CTNNB1: variants seen among roughly 807,000 people sequenced by gnomAD.
CTNNB1 encodes the protein catenin beta-1.
Under a neutral mutation model 82.5 loss-of-function variants are expected in CTNNB1, and 6 were observed. The ratio of observed to expected loss-of-function variants is 0.07; its 90% confidence interval spans 0.04 to 0.14. The LOEUF is 0.14. Ranked by LOEUF, CTNNB1 falls within the 10% of genes least tolerant of loss-of-function variation. The pLI, the probability that CTNNB1 is intolerant of heterozygous loss-of-function variation, is 1.00. For missense variants in CTNNB1, 529 were observed against 980.4 expected, an observed-to-expected ratio of 0.54 and a Z score of 6.15; for synonymous variants, 312 against 329.7, an observed-to-expected ratio of 0.95 and a Z score of 0.58.
intron 1 of CTNNB1, among the ~76,000 whole-genome samples, chr3:41,210,007 T>C (rs555225102): frequency 6.6e-6 from 1 of 152,338 alleles, no homozygotes; most frequent in Admixed American, 6.5e-5. Context: ...TTTTTTACTT[T>C]ATGAATTCTT....
In CTNNB1 at chr3:41,236,463, C is replaced by T. The variant is rs1320784803; in HGVS notation, c.1918C>T (p.Leu640=). 6.2e-7 allele frequency: 1 copy of T among 1,614,224 alleles called. No individual in the cohort carries two copies. The highest frequency in any genetic ancestry group is 1.3e-5 in the African/African-American group (1 of 75,058). The change falls in exon 12 of 15, where the codon CTG becomes TTG. Residue 640 remains leucine (L), a synonymous_variant. Transcript: ENST00000349496. ...AIEAEGATAP[L]TELLHSRNEG... ...TGAAGCTGAGGGAGCCACAGCTCCT[C>T]TGACAGAGTTACTTCACTCTAGGAA...
chr3:41,214,456 T>C (rs2077868536), intron 1 of CTNNB1, among the ~76,000 whole-genome samples: 1 of 152,080 alleles, frequency 6.6e-6, no homozygotes, highest in Admixed American at 6.5e-5. Context: ...GTTTAGCACA[T>C]ACTGCTTTTA....
intron 1 of CTNNB1, among the ~76,000 whole-genome samples, chr3:41,205,711 C>A (rs2077633708): frequency 6.6e-6 from 1 of 152,060 alleles, no homozygotes; most frequent in Non-Finnish European, 1.5e-5. Flanking sequence ...CTTCAAACTC[C>A]GTGTTTAAGT....
chr3:41,225,005 T>C lies in CTNNB1; in HGVS notation c.293T>C (p.Met98Thr). 23 of 1,614,072 alleles carry C rather than the reference T, an allele frequency of 1.4e-5. No homozygotes were observed. Among genetic ancestry groups the C allele is most frequent in the Non-Finnish European group, 1.9e-5 (23 of 1,179,958 alleles). ...CGAGCTCAGAGGGTACGAGCTGCTA[T>C]GTTCCCTGAGACATTAGATGAGGGC... ...MTRAQRVRAA[M>T]FPETLDEGMQ... is the part of the protein sequence containing the mutation. Residue 98 changes from methionine (M) to threonine (T), a missense_variant, in exon 4 of 15, where the codon ATG (methionine) becomes ACG (threonine). Met to Thr is a moderately conservative substitution (Grantham distance 81). This residue lies in a region of CTNNB1 where 411 missense variants were observed against 776.4 expected (regional missense o/e 0.53). Coordinates refer to ENST00000349496, the MANE Select transcript of CTNNB1 (RefSeq NM_001904.4). This position sits in a 1 kb window ranked among gnomAD's most constrained non-coding sequence, Gnocchi z 5.3.
intron 14 of CTNNB1, 91 bp from the exon 15 acceptor site, chr3:41,239,043 C>T: frequency 3.6e-6 from 4 of 1,106,066 alleles, no homozygotes; most frequent in South Asian, 1.2e-5. Flanking sequence ...CTTTGGATGC[C>T]CTAACCTCAG....
rs58153157 is a variant in CTNNB1, at chr3:41,229,876, C to CTGTGTGTGTGTGTG, written c.1081+2542_1081+2555dup. Among the ~76,000 whole-genome samples, 495 of 147,226 alleles carry CTGTGTGTGTGTGTG rather than the reference C, an allele frequency of 3.4e-3. 4 individuals are homozygous for CTGTGTGTGTGTGTG. Among genetic ancestry groups the CTGTGTGTGTGTGTG allele is most frequent in the African/African-American group, 0.011 (456 of 39,988 alleles). ...GGTTTGTACTAGGGCCTCTTGGGTTCTGTGTGTGTGTGTGTGTGTGTGTGT... is the reference window on the plus strand; with the variant it reads ...GGTTTGTACTAGGGCCTCTTGGGTTCTGTGTGTGTGTGTGTGTGTGTGTGTGTGTGTGTGTGTGT... On this transcript the variant is annotated intron_variant, in intron 7 of 14. Coordinates refer to ENST00000349496, the MANE Select transcript of CTNNB1 (RefSeq NM_001904.4).
rs190815111 is a variant in CTNNB1, at chr3:41,223,131, C to T, written c.-48-890C>T. Among the ~76,000 whole-genome samples, 101 of 152,060 alleles carry T rather than the reference C, an allele frequency of 6.6e-4. 1 individual carries two copies. Among genetic ancestry groups the T allele is most frequent in the Non-Finnish European group, 1.3e-3 (86 of 67,978 alleles). ...TATTTTATTCCATATCTTTACATAC[C>T]CAATATGTTAATTTATAGTTCAAGA... On this transcript the variant is annotated intron_variant, in intron 1 of 14. Coordinates refer to ENST00000349496, the MANE Select transcript of CTNNB1 (RefSeq NM_001904.4).
At chr3:41,220,319 G>A (rs569219569) in intron 1 of CTNNB1, among the ~76,000 whole-genome samples, 1 of 152,026 alleles carries the variant, frequency 6.6e-6, no homozygotes, top group East Asian at 1.9e-4. Flanking sequence ...AGGACCAAGG[G>A]TCATTTGATG....
In CTNNB1 at chr3:41,238,246, AG is replaced by A. The variant is rs1252772019; in HGVS notation, c.2137+173del. On this transcript the variant is annotated intron_variant, in intron 14 of 14. Transcript: ENST00000349496. The stretch of plus-strand genomic sequence containing the variant: ...AGCAACAGTATCTTTAATGGAGCAC[AG>A]GGAATTCAGAGCCACACAATGAGTA... 1.4e-5 allele frequency: 9 copies of A among 648,834 alleles called. No homozygotes were observed. In the East Asian group the frequency reaches 2.2e-4, roughly 16 times the overall value. 40.2% of individuals were successfully genotyped at this position (648,834 alleles called of 1,614,324 possible).
chr3:41,229,760 AT>A (rs1160668982), intron 7 of CTNNB1, among the ~76,000 whole-genome samples: 4 of 151,896 alleles, frequency 2.6e-5, no homozygotes, highest in African/African-American at 9.7e-5. Context: ...ATGAGAAACA[AT>A]TTTTTTCTAT....
intron 9 of CTNNB1, 109 bp downstream of exon 9, chr3:41,233,976 CTTAG>C: frequency 1.4e-6 from 2 of 1,436,862 alleles, no homozygotes. Flanking sequence ...AATTGTATTC[CTTAG>C]TAAGTAGGAA....
intron 1 of CTNNB1, among the ~76,000 whole-genome samples, chr3:41,218,615 G>A (rs2077967420): frequency 6.6e-6 from 1 of 152,212 alleles, no homozygotes. Context: ...GGGTATAAAA[G>A]TGTCGCAGGA....
rs1260498461 is a variant in CTNNB1 at position 41,239,136 on chromosome 3, C to T, written c.2140C>T (p.Pro714Ser). ...TGTTGACACCCTGACTCTTCTAGATCCTAGCTATCGTTCTTTTCACTCTGG... is the reference window on the plus strand; with the variant it reads ...TGTTGACACCCTGACTCTTCTAGATTCTAGCTATCGTTCTTTTCACTCTGG... ...GEPLGYRQDD[P>S]SYRSFHSGGY... Residue 714 changes from proline to serine, a missense_variant and splice_region_variant, in exon 15 of 15, where the codon CCT becomes TCT. Pro to Ser is a moderately conservative substitution (Grantham distance 74). Coordinates refer to ENST00000349496, the MANE Select transcript of CTNNB1 (RefSeq NM_001904.4). The T allele has an allele frequency of 1.2e-6, 2 of 1,613,632 alleles. No homozygotes were observed. Among genetic ancestry groups the T allele is most frequent in the African/African-American group, 1.3e-5 (1 of 74,934 alleles).
At chr3:41,236,774 T>C (rs1049064607) in intron 13 of CTNNB1, 65 bp downstream of exon 13, 8 of 1,605,124 alleles carry the variant, frequency 5.0e-6, no homozygotes, top group African/African-American at 2.7e-5. Context: ...GCTTGTTCTT[T>C]CCTCTCAAAA....
rs4974075 is a variant in CTNNB1, at chr3:41,201,139, C to A, written c.-49+1469C>A. Among the ~76,000 whole-genome samples the A allele has an allele frequency of 9.9e-3, 1,509 of 152,256 alleles. 65 individuals carry two copies. Among genetic ancestry groups the A allele is most frequent in the Admixed American group, 0.079 (1,205 of 15,298 alleles). On this transcript the variant is annotated intron_variant, in intron 1 of 14. Transcript: ENST00000349496. ...ATTTCAGTATTTGTCACTTGGTGAA[C>A]GAACATTCAATACCTTCAGATGTCT...
At chr3:41,238,568 G>T (rs1039427378) in intron 14 of CTNNB1, 89 of 187,762 alleles carry the variant, frequency 4.7e-4, no homozygotes, top group African/African-American at 2.1e-3. Context: ...ATTTATAACC[G>T]CATCTGCTTC....
At chr3:41,216,328 G>A (rs1055285885) in intron 1 of CTNNB1, among the ~76,000 whole-genome samples, 3 of 152,182 alleles carry the variant, frequency 2.0e-5, no homozygotes, top group Non-Finnish European at 2.9e-5. Flanking sequence ...TGCTGTAAAA[G>A]ATATAAAGAT....
intron 13 of CTNNB1, 85 bp downstream of exon 13, chr3:41,236,794 C>A (rs1424153892): frequency 6.4e-7 from 1 of 1,553,160 alleles, no homozygotes; most frequent in Non-Finnish European, 8.9e-7. Context: ...ACACTTAGTA[C>A]ACATTCATTT....
chr3:41,218,235 A>G (rs1318109540), intron 1 of CTNNB1, among the ~76,000 whole-genome samples: 2 of 152,150 alleles, frequency 1.3e-5, no homozygotes, highest in African/African-American at 4.8e-5. Flanking sequence ...TACCTTCTTC[A>G]TTTATGAAAT....
Sources: allele counts gnomAD v4.1 joint callset (sites outside exome capture counted in the v4.1 genomes callset), GRCh38; gene constraint gnomAD v4.1.1; regional missense constraint gnomAD v4.1.1; non-coding constraint Gnocchi (gnomAD v3.1); transcripts MANE v1.5; gene names NCBI Gene and HGNC (gene_info 2026-07-23, HGNC 2026-07-21).